HS3ST4: variants seen among roughly 807,000 people sequenced by gnomAD.
HS3ST4 encodes heparan sulfate glucosamine 3-O-sulfotransferase 4.
A neutral mutation model predicts 29.2 loss-of-function variants in HS3ST4; 17 were observed. That is an observed-to-expected ratio of 0.58 (90% CI 0.40 to 0.87). HS3ST4 has a LOEUF of 0.87. Ranked by LOEUF, HS3ST4 falls within the 40% of genes least tolerant of loss-of-function variation. The pLI is 0.00. For missense variants in HS3ST4, 627 were observed against 634.5 expected (o/e 0.99, Z 0.13); for synonymous variants, 314 against 285.7 (o/e 1.10, Z -1.00).
chr16:26,079,102 C>T (rs1898697782), intron 1 of HS3ST4, among the ~76,000 whole-genome samples: 1 of 152,202 alleles, frequency 6.6e-6, no homozygotes, highest in Admixed American at 6.5e-5. Flanking sequence ...GTGACCAGTA[C>T]TGTGGGTGCC....
At chr16:25,951,793 A>C (rs1968685549) in intron 1 of HS3ST4, among the ~76,000 whole-genome samples, 1 of 152,152 alleles carries the variant, frequency 6.6e-6, no homozygotes, top group Non-Finnish European at 1.5e-5. Flanking sequence ...ACTTTTCTAG[A>C]CCCTAGACCA....
chr16:25,867,706 A>T (rs1967710693), intron 1 of HS3ST4, among the ~76,000 whole-genome samples: 1 of 152,306 alleles, frequency 6.6e-6, no homozygotes, highest in Non-Finnish European at 1.5e-5. Flanking sequence ...GGCTTGGCAC[A>T]TATTGGGTGC....
At chr16:26,115,143 A>G (rs562703381) in intron 1 of HS3ST4, among the ~76,000 whole-genome samples, 4 of 151,366 alleles carry the variant, frequency 2.6e-5, no homozygotes, top group Non-Finnish European at 5.9e-5. Context: ...TATTTGTGTC[A>G]ACATACTCCC....
At chr16:25,783,940 CT>C (rs1456737724) in intron 1 of HS3ST4, among the ~76,000 whole-genome samples, 88 of 152,332 alleles carry the variant, frequency 5.8e-4, no homozygotes, top group African/African-American at 1.9e-3. Flanking sequence ...TTGAGGGTTT[CT>C]GGCGACTGCA....
At chr16:25,736,829 G>C (rs978137361) in intron 1 of HS3ST4, among the ~76,000 whole-genome samples, 2 of 151,894 alleles carry the variant, frequency 1.3e-5, no homozygotes, top group African/African-American at 4.8e-5. Flanking sequence ...TTTCTTCCAT[G>C]ATGCTGCTGG....
chr16:25,694,121 G>A (rs1333539050), intron 1 of HS3ST4, among the ~76,000 whole-genome samples: 1 of 152,148 alleles, frequency 6.6e-6, no homozygotes, highest in African/African-American at 2.4e-5. Context: ...ATGGCTGGCT[G>A]CATCTCCATT....
At chr16:25,760,421 A>ATT (rs1345115816) in intron 1 of HS3ST4, among the ~76,000 whole-genome samples, 2 of 37,320 alleles carry the variant, frequency 5.4e-5, no homozygotes, top group Non-Finnish European at 9.7e-5. Flanking sequence ...TAATGACTCC[A>ATT]TGTTTTTTTT....
chr16:25,826,648 TA>T (rs1289677944), intron 1 of HS3ST4, among the ~76,000 whole-genome samples: 2 of 151,054 alleles, frequency 1.3e-5, no homozygotes, highest in Admixed American at 6.6e-5. Context: ...TAGGGCACTA[TA>T]AAAAAAAGGA....
At chr16:25,896,735 A>G (rs187885328) in intron 1 of HS3ST4, among the ~76,000 whole-genome samples, 1 of 152,308 alleles carries the variant, frequency 6.6e-6, no homozygotes, top group Admixed American at 6.5e-5. Flanking sequence ...AAGACATGGA[A>G]TTAACCAAGC....
At chr16:25,722,593 C>G (rs563009752) in intron 1 of HS3ST4, among the ~76,000 whole-genome samples, 2 of 152,294 alleles carry the variant, frequency 1.3e-5, no homozygotes, top group South Asian at 4.2e-4. Flanking sequence ...CAGGCTATTT[C>G]AAGTGGATTT....
intron 1 of HS3ST4, among the ~76,000 whole-genome samples, chr16:25,749,213 G>A (rs1966703222): frequency 6.6e-6 from 1 of 152,194 alleles, no homozygotes; most frequent in South Asian, 2.1e-4. Context: ...GGGCTGTGGG[G>A]CCGGGTGCAG....
At chr16:25,891,523 T>C (rs1462638352) in intron 1 of HS3ST4, among the ~76,000 whole-genome samples, 2 of 152,120 alleles carry the variant, frequency 1.3e-5, no homozygotes, top group African/African-American at 2.4e-5. Flanking sequence ...GTAGAACACT[T>C]ACATGTGGTA....
At chr16:25,903,039 A>G (rs972680552) in intron 1 of HS3ST4, among the ~76,000 whole-genome samples, 12 of 149,002 alleles carry the variant, frequency 8.1e-5, no homozygotes, top group South Asian at 2.1e-4. Context: ...AAAAAAATGT[A>G]TGGTGTTAAG....
At chr16:25,778,106 G>A (rs551794317) in intron 1 of HS3ST4, among the ~76,000 whole-genome samples, 12 of 151,968 alleles carry the variant, frequency 7.9e-5, no homozygotes, top group African/African-American at 2.7e-4. Flanking sequence ...TTTAAAAAGT[G>A]TGATTACTCA....
chr16:26,044,145 C>T (rs1157890587), intron 1 of HS3ST4, among the ~76,000 whole-genome samples: 3 of 152,198 alleles, frequency 2.0e-5, no homozygotes, highest in African/African-American at 4.8e-5. Flanking sequence ...GGGTTCACTG[C>T]GTCGTGTGGA....
At chr16:26,013,785 A>G (rs1442042554) in intron 1 of HS3ST4, among the ~76,000 whole-genome samples, 2 of 152,094 alleles carry the variant, frequency 1.3e-5, no homozygotes, top group Non-Finnish European at 2.9e-5. Context: ...TAAGGTGGGC[A>G]GATCATGAGG....
intron 1 of HS3ST4, among the ~76,000 whole-genome samples, chr16:25,994,379 A>C (rs1343962049): frequency 6.6e-6 from 1 of 151,698 alleles, no homozygotes; most frequent in Admixed American, 6.6e-5. Context: ...TAACTTATTT[A>C]TTCTCTTTAT....
At chr16:25,785,349 G>A (rs1225148339) in intron 1 of HS3ST4, among the ~76,000 whole-genome samples, 1 of 152,200 alleles carries the variant, frequency 6.6e-6, no homozygotes, top group Non-Finnish European at 1.5e-5. Context: ...TGTAAGTAGA[G>A]TGTAAATAGT....
chr16:25,883,443 C>T (rs555355145), intron 1 of HS3ST4, among the ~76,000 whole-genome samples: 6 of 152,202 alleles, frequency 3.9e-5, no homozygotes, highest in Admixed American at 6.5e-5. Context: ...TAGCTGTTGA[C>T]GGGGTAGCAG....
Sources: allele counts gnomAD v4.1 joint callset (sites outside exome capture counted in the v4.1 genomes callset), GRCh38; gene constraint gnomAD v4.1.1; transcripts MANE v1.5; gene names NCBI Gene and HGNC (gene_info 2026-07-23, HGNC 2026-07-21).